Variants in DNAH5 observed in about 807,000 individuals in gnomAD.
DNAH5 encodes axonemal beta dynein heavy chain 5.
A neutral mutation model predicts 518.2 loss-of-function variants in DNAH5; 372 were observed. The ratio of observed to expected loss-of-function variants is 0.72; its 90% CI spans 0.66 to 0.78. The LOEUF (loss-of-function observed/expected upper bound fraction) is 0.78, where lower values mean the gene tolerates loss of function less well. Ranked by LOEUF, DNAH5 falls within the 30% of genes least tolerant of loss-of-function variation. The pLI is 0.00. For synonymous variants in DNAH5, 2,039 were observed against 2,025.9 expected, an observed-to-expected ratio of 1.01 and a Z score of -0.17; for missense variants, 5,523 against 5,687.0, an observed-to-expected ratio of 0.97 and a Z score of 0.93.
chr5:13,959,921 T>C (rs1326387658), intron 1 of DNAH5, among the ~76,000 whole-genome samples: 17 of 152,140 alleles, frequency 1.1e-4, no homozygotes, highest in African/African-American at 2.9e-4. Flanking sequence ...TGAGCCGAGA[T>C]TGCGCCATTG....
chr5:13,819,247 A>G (rs1323595821), intron 41 of DNAH5, among the ~76,000 whole-genome samples: 1 of 152,216 alleles, frequency 6.6e-6, no homozygotes, highest in East Asian at 1.9e-4. Context: ...TTAACAGCAT[A>G]CATGAAAAAC....
rs1776744623 is a variant in DNAH5 at position 13,917,252 on chromosome 5, C to A, written c.980G>T (p.Trp327Leu). ...AAAKSKLLKT[W>L]REMDIRITDA... Reference sequence around the variant, plus strand: ...AGTGATTCGAATATCCATCTCCCGCCAAGTCTAAGCACAATAGGGAAAAGC... The same window carrying A: ...AGTGATTCGAATATCCATCTCCCGCAAAGTCTAAGCACAATAGGGAAAAGC... Residue 327 changes from tryptophan (W) to leucine (L), a missense_variant, in exon 8 of 79, where the codon TGG becomes TTG. Physicochemically the swap from Trp to Leu is moderately conservative, Grantham distance 61. Transcript: ENST00000265104. 2 of 1,612,540 alleles carry A rather than the reference C, an allele frequency of 1.2e-6. No individual in the cohort carries two copies. The highest frequency in any genetic ancestry group is 1.7e-6 in the Non-Finnish European group (2 of 1,178,778).
chr5:13,950,430 C>A (rs1455372453), intron 1 of DNAH5, among the ~76,000 whole-genome samples: 1 of 152,290 alleles, frequency 6.6e-6, no homozygotes, highest in South Asian at 2.1e-4. Flanking sequence ...GCATGCGCCA[C>A]CACGCCTGGC....
intron 49 of DNAH5, among the ~76,000 whole-genome samples, chr5:13,792,829 T>C (rs1757209211): frequency 1.3e-5 from 2 of 152,184 alleles, no homozygotes; most frequent in African/African-American, 4.8e-5. Flanking sequence ...TTAATTAGGG[T>C]AATCCTGATG....
At chr5:13,972,134 C>T (rs1410920836) in intron 1 of DNAH5, among the ~76,000 whole-genome samples, 1 of 152,150 alleles carries the variant, frequency 6.6e-6, no homozygotes, top group African/African-American at 2.4e-5. Flanking sequence ...TCACCCAGCT[C>T]CCATGCAGCT....
At position 13,968,879 on chromosome 5, in the gene DNAH5, G is replaced by A. The variant is rs114398100; in HGVS notation, c.13-37635C>T. 4.2e-3 allele frequency among the ~76,000 whole-genome samples: 646 copies of A among 152,096 alleles called. 9 individuals are homozygous for A. Among genetic ancestry groups the A allele is most frequent in the African/African-American group, 0.015 (627 of 41,534 alleles). ...TTTCTCCATCTTTTGAAATAGTGTC[G>A]ATAGGATTGATATCAATTCTTCTTT... On this transcript the variant is annotated intron_variant, in intron 1 of 78. Coordinates refer to the DNAH5 transcript ENST00000681290.
intron 41 of DNAH5, 58 bp downstream of exon 41, chr5:13,820,288 A>T (rs564639094): frequency 1.0e-5 from 16 of 1,585,720 alleles, no homozygotes; most frequent in Admixed American, 1.7e-5. Context: ...TGGGCATTCA[A>T]ATGGGTCACC....
intron 70 of DNAH5, among the ~76,000 whole-genome samples, chr5:13,725,798 G>A (rs986263126): frequency 1.3e-5 from 2 of 152,156 alleles, no homozygotes; most frequent in Admixed American, 6.5e-5. Flanking sequence ...GGCATTACAG[G>A]TGCCACCACC....
At chr5:13,998,825 C>T (rs74672619) in intron 1 of DNAH5, among the ~76,000 whole-genome samples, 3,436 of 152,252 alleles carry the variant, frequency 0.023, 58 homozygotes, top group South Asian at 0.044. Flanking sequence ...ATTGCACACA[C>T]ATTCATATTG....
chr5:13,690,432 T>C lies in DNAH5; in HGVS notation c.*1552A>G, dbSNP rs941054847. On this transcript the variant is annotated 3_prime_UTR_variant, in exon 79 of 79. Transcript: ENST00000265104. The stretch of plus-strand genomic sequence containing the variant: ...CACAATTCACACAAATCAACTGATA[T>C]ACTAATCCACACCAAAAGAAAGAAC... The C allele has an allele frequency of 1.3e-5, 2 of 152,284 alleles. No homozygotes were observed. Among genetic ancestry groups the C allele is most frequent in the South Asian group, 2.1e-4 (1 of 4,826 alleles). The allele number at this position is 152,284 out of a possible 1,614,324, so 9.4% of individuals were successfully genotyped here.
intron 35 of DNAH5, among the ~76,000 whole-genome samples, chr5:13,834,027 A>G (rs1441088849): frequency 6.6e-6 from 1 of 152,194 alleles, no homozygotes; most frequent in Non-Finnish European, 1.5e-5. Flanking sequence ...ACTAATTTCA[A>G]TGAGGAGTTT....
intron 52 of DNAH5, among the ~76,000 whole-genome samples, chr5:13,784,159 A>G (rs1313034405): frequency 6.6e-6 from 1 of 152,196 alleles, no homozygotes; most frequent in African/African-American, 2.4e-5. Context: ...TGCATCTTCA[A>G]CTTGAGCTAT....
intron 1 of DNAH5, among the ~76,000 whole-genome samples, chr5:14,002,851 G>A (rs2582691): frequency 0.72 from 108,434 of 151,456 alleles, 39,030 homozygotes; most frequent in South Asian, 0.8. Flanking sequence ...ATATATTTAT[G>A]TTTGTTCAGA....
In DNAH5 at chr5:13,841,918, CAAAAAA is replaced by C. The variant is rs35337694; in HGVS notation, c.5272-20_5272-15del. On this transcript the variant is annotated splice_polypyrimidine_tract_variant and intron_variant, in intron 32 of 78. Coordinates refer to ENST00000265104, the MANE Select transcript of DNAH5 (RefSeq NM_001369.3). ...TCGATCATAGATCTATGTTAGAAAC[CAAAAAA>C]AAAAAAAAAAAAAGCTATAGTCATA... 1.6e-4 allele frequency: 95 copies of C among 590,764 alleles called. No individual in the cohort carries two copies. The highest frequency in any genetic ancestry group is 3.0e-4 in the East Asian group (9 of 30,184). The allele number at this position is 590,764 out of a possible 1,614,324, so 36.6% of individuals were successfully genotyped here.
intron 35 of DNAH5, among the ~76,000 whole-genome samples, chr5:13,831,392 C>G (rs754057784): frequency 9.9e-5 from 15 of 152,210 alleles, no homozygotes; most frequent in Non-Finnish European, 2.1e-4. Context: ...GAAAATTTTT[C>G]ACCTGATAAC....
rs774115801 is a variant in DNAH5, at chr5:13,716,504, A to G, written c.12892T>C (p.Tyr4298His). The G allele has an allele frequency of 3.1e-6, 5 of 1,613,094 alleles. No individual in the cohort carries two copies. The highest frequency in any genetic ancestry group is 1.7e-4 in the Middle Eastern group (1 of 6,024). Residue 4298 changes from tyrosine (Y) to histidine (H), a missense_variant, in exon 74 of 79, where the codon TAT (tyrosine) becomes CAT (histidine). Around this residue, in one of 3 missense-constraint regions of DNAH5, gnomAD observed 387 missense variants for 430.0 expected, o/e 0.90. Coordinates refer to ENST00000265104, the MANE Select transcript of DNAH5 (RefSeq NM_001369.3). The part of the protein sequence containing the change: ...NIPKCSTVDN[Y>H]LQYIQSLPAY... ...TGACAAACCTGGATATACTGAAGAT[A>G]GTTATCCACTGTGCTGCATTTTGGA... is the stretch of plus-strand genomic sequence containing the variant.
chr5:13,699,633 G>A (rs1290390176), intron 78 of DNAH5, among the ~76,000 whole-genome samples: 1 of 152,218 alleles, frequency 6.6e-6, no homozygotes, highest in African/African-American at 2.4e-5. Context: ...AGAATCGCTT[G>A]AACTCAGGAG....
chr5:13,701,508 G>GA lies in DNAH5; in HGVS notation c.13339-73dup, dbSNP rs61338089. 20,718 of 1,034,108 alleles carry GA rather than the reference G, an allele frequency of 0.02. 158 individuals carry two copies. The highest frequency in any genetic ancestry group is 0.096 in the African/African-American group (5,777 of 60,082). The allele number at this position is 1,034,108 out of a possible 1,614,324, so 64.1% of individuals were successfully genotyped here. ...GCAGTGTAAACCAGCTATGTTCACTGAAAAAAAAAAAAGATGAAATATCAA... is the reference window on the plus strand; with the variant it reads ...GCAGTGTAAACCAGCTATGTTCACTGAAAAAAAAAAAAAGATGAAATATCAA... On this transcript the variant is annotated intron_variant, in intron 76 of 78. Coordinates refer to ENST00000265104, the MANE Select transcript of DNAH5 (RefSeq NM_001369.3).
chr5:13,769,247 G>T (rs371150557), intron 57 of DNAH5, 111 bp from the exon 58 acceptor site: 10,985 of 746,176 alleles, frequency 0.015, 63 homozygotes, highest in Non-Finnish European at 0.018. Context: ...CAGTTTTGTT[G>T]TTTTTTTTTT....
Sources: allele counts gnomAD v4.1 joint callset (sites outside exome capture counted in the v4.1 genomes callset), GRCh38; gene constraint gnomAD v4.1.1; regional missense constraint gnomAD v4.1.1; transcripts MANE v1.5; gene names NCBI Gene and HGNC (gene_info 2026-07-23, HGNC 2026-07-21).